SLC24A2: variants seen among roughly 807,000 people sequenced by gnomAD.
SLC24A2 encodes the protein sodium/potassium/calcium exchanger 2.
SLC24A2 carries 36 observed loss-of-function variants against 62.0 expected under a neutral mutation model. The observed-to-expected ratio is 0.58, with a 90% CI of 0.44 to 0.77. The LOEUF (loss-of-function observed/expected upper bound fraction) is 0.77, where lower values mean the gene tolerates loss of function less well. SLC24A2 is among the 30% of genes least tolerant of loss of function. The pLI is 0.00. For synonymous variants in SLC24A2, 358 were observed against 294.0 expected (o/e 1.22, Z -2.23); for missense variants, 846 against 817.9 (o/e 1.03, Z -0.42).
At chr9:20,222,945 A>T in the SLC24A2 span, among the ~76,000 whole-genome samples, 1 of 152,100 alleles carries the variant, frequency 6.6e-6, no homozygotes, top group African/African-American at 2.4e-5. Context: ...AAAAAAAAGC[A>T]GCATTAAACT....
At chr9:20,060,886 A>C in the SLC24A2 span, among the ~76,000 whole-genome samples, 1 of 152,192 alleles carries the variant, frequency 6.6e-6, no homozygotes, top group Non-Finnish European at 1.5e-5. Flanking sequence ...TATTTCTATA[A>C]ACTTATAGCA....
At chr9:19,876,757 C>A in the SLC24A2 span, among the ~76,000 whole-genome samples, 1 of 152,200 alleles carries the variant, frequency 6.6e-6, no homozygotes, top group South Asian at 2.1e-4. Context: ...TATGGGACAC[C>A]TTGAAACACA....
rs114331006 is a variant in SLC24A2, at chr9:19,657,198, T to C, written c.931-34899A>G. Among the ~76,000 whole-genome samples, 655 of 152,302 alleles carry C rather than the reference T, an allele frequency of 4.3e-3. 2 individuals carry two copies. The highest frequency in any genetic ancestry group is 0.015 in the African/African-American group (612 of 41,558). ...GCTATGACCTGGAGAGTGGTGCATC[T>C]GTCGTGTATTGAGTGCTACGCTTTA... is the stretch of plus-strand genomic sequence containing the variant. On this transcript the variant is annotated intron_variant, in intron 2 of 10. Coordinates refer to ENST00000341998, the MANE Select transcript of SLC24A2 (RefSeq NM_020344.4).
chr9:20,307,834 G>A, the SLC24A2 span, among the ~76,000 whole-genome samples: 12 of 152,248 alleles, frequency 7.9e-5, no homozygotes, highest in Non-Finnish European at 1.3e-4. Flanking sequence ...CAGGGAAGGA[G>A]GGACCGCGGC....
the SLC24A2 span, among the ~76,000 whole-genome samples, chr9:20,053,463 C>G: frequency 6.6e-6 from 1 of 152,082 alleles, no homozygotes; most frequent in Admixed American, 6.6e-5. Context: ...ACTTTATTTC[C>G]TTGCTCTGAT....
chr9:20,019,685 C>G, the SLC24A2 span, among the ~76,000 whole-genome samples: 1 of 151,988 alleles, frequency 6.6e-6, no homozygotes, highest in African/African-American at 2.4e-5. Context: ...ACTAAAACAC[C>G]GAAAGAAATG....
At chr9:19,542,089 G>A (rs988590692) in intron 8 of SLC24A2, among the ~76,000 whole-genome samples, 8 of 152,270 alleles carry the variant, frequency 5.3e-5, no homozygotes, top group Admixed American at 2.6e-4. Context: ...GCACACACTG[G>A]CCTGCGCCCA....
rs113230091 is a variant in SLC24A2, at chr9:19,788,918, G to A, written c.-187C>T. The A allele has an allele frequency of 2.0e-6, 2 of 984,954 alleles. No individual in the cohort carries two copies. Among genetic ancestry groups the A allele is most frequent in the Admixed American group, 1.2e-4 (2 of 16,254 alleles). The allele number at this position is 984,954 out of a possible 1,614,324, so 61.0% of individuals were successfully genotyped here. On this transcript the variant is annotated 5_prime_UTR_variant, in exon 1 of 11. Coordinates refer to ENST00000341998, the MANE Select transcript of SLC24A2 (RefSeq NM_020344.4). ...GATGGGAGGACGCGCACACGGCGGGGCCCCCGAGCGCGGCCCGCCGCTCCA... is the reference window on the plus strand; with the variant it reads ...GATGGGAGGACGCGCACACGGCGGGACCCCCGAGCGCGGCCCGCCGCTCCA...
At chr9:20,052,149 C>T in the SLC24A2 span, among the ~76,000 whole-genome samples, 2 of 152,112 alleles carry the variant, frequency 1.3e-5, no homozygotes, top group East Asian at 3.9e-4. Context: ...TATTTAATTG[C>T]TTCATTAACA....
At chr9:20,244,444 C>T in the SLC24A2 span, among the ~76,000 whole-genome samples, 1 of 152,138 alleles carries the variant, frequency 6.6e-6, no homozygotes, top group African/African-American at 2.4e-5. Context: ...GGCAGAGGAC[C>T]CGCCCAGCCC....
the SLC24A2 span, among the ~76,000 whole-genome samples, chr9:20,222,208 A>T: frequency 6.6e-6 from 1 of 151,998 alleles, no homozygotes; most frequent in Non-Finnish European, 1.5e-5. Context: ...AAAATAATCT[A>T]GCTTATGAAA....
chr9:19,936,675 G>A, the SLC24A2 span, among the ~76,000 whole-genome samples: 1 of 152,190 alleles, frequency 6.6e-6, no homozygotes, highest in Non-Finnish European at 1.5e-5. Flanking sequence ...GGTATGAACT[G>A]TAGAAGAACT....
At chr9:20,215,308 A>C in the SLC24A2 span, among the ~76,000 whole-genome samples, 1 of 152,208 alleles carries the variant, frequency 6.6e-6, no homozygotes, top group Non-Finnish European at 1.5e-5. Flanking sequence ...TGGAGGTTAG[A>C]ATTTCAACGT....
the SLC24A2 span, among the ~76,000 whole-genome samples, chr9:20,079,999 G>A: frequency 0.018 from 2,697 of 152,218 alleles, 76 homozygotes; most frequent in African/African-American, 0.062. Flanking sequence ...ATGGAAAAAC[G>A]TTCCATGCTC....
chr9:19,525,909 T>C (rs1833429064), intron 9 of SLC24A2, among the ~76,000 whole-genome samples: 2 of 152,094 alleles, frequency 1.3e-5, no homozygotes, highest in African/African-American at 2.4e-5. Context: ...TGGTTTTTAA[T>C]GTATTCAGAG....
chr9:19,951,037 A>G, the SLC24A2 span, among the ~76,000 whole-genome samples: 7 of 152,298 alleles, frequency 4.6e-5, no homozygotes, highest in South Asian at 1.5e-3. Flanking sequence ...AGTTCTCTGG[A>G]TGATCTTACA....
the SLC24A2 span, among the ~76,000 whole-genome samples, chr9:19,874,996 CAAA>C: frequency 7.2e-5 from 7 of 96,716 alleles, no homozygotes; most frequent in African/African-American, 1.6e-4. Flanking sequence ...TCCAGAATTA[CAAA>C]AAAAAAAAAA....
At chr9:19,827,258 C>G in the SLC24A2 span, among the ~76,000 whole-genome samples, 1 of 152,096 alleles carries the variant, frequency 6.6e-6, no homozygotes, top group African/African-American at 2.4e-5. Flanking sequence ...GTATATGAAG[C>G]TCTGATTAGG....
chr9:19,883,610 G>T, the SLC24A2 span, among the ~76,000 whole-genome samples: 1 of 150,224 alleles, frequency 6.7e-6, no homozygotes, highest in Non-Finnish European at 1.5e-5. Flanking sequence ...CTGTCGCCCA[G>T]GCTGAAGTGC....
Sources: gnomAD v4.1 joint callset for allele counts (sites outside exome capture counted in the v4.1 genomes callset) on GRCh38, gnomAD v4.1.1 for gene constraint, MANE v1.5 for transcripts, NCBI Gene and HGNC (gene_info 2026-07-23, HGNC 2026-07-21) for gene names.